Variants in TENM3 observed in about 807,000 individuals in gnomAD.
TENM3 encodes teneurin transmembrane protein 3.
In TENM3, 63 loss-of-function variants were observed where a neutral mutation model predicts 255.1. The observed-to-expected ratio is 0.25, with a 90% CI of 0.20 to 0.30. TENM3 has a LOEUF of 0.30. Among genes scored for constraint, TENM3 ranks in the 10% least tolerant of loss-of-function variants. The pLI is 1.00. For synonymous variants in TENM3, 1,306 were observed against 1,322.3 expected, an observed-to-expected ratio of 0.99 and a Z score of 0.27; for missense variants, 2,929 against 3,461.1, an observed-to-expected ratio of 0.85 and a Z score of 3.86.
At chr4:182,640,875 G>T (rs897247444) in intron 5 of TENM3, among the ~76,000 whole-genome samples, 3 of 152,188 alleles carry the variant, frequency 2.0e-5, no homozygotes, top group African/African-American at 7.2e-5. Context: ...TGGAACGCAG[G>T]CTTCATAAGA....
At chr4:182,351,894 G>A (rs1765204901) in intron 3 of TENM3, among the ~76,000 whole-genome samples, 1 of 152,140 alleles carries the variant, frequency 6.6e-6, no homozygotes, top group Non-Finnish European at 1.5e-5. Flanking sequence ...CATTAAGTGA[G>A]TTCAGGTATG....
chr4:181,821,555 C>T, the TENM3 span: 1 of 152,180 alleles, frequency 6.6e-6, no homozygotes, highest in Non-Finnish European at 1.5e-5. Flanking sequence ...TATGAACTTA[C>T]CTGTTTGTAG....
chr4:182,709,016 T>C (rs1579189338), intron 12 of TENM3, among the ~76,000 whole-genome samples: 1 of 152,092 alleles, frequency 6.6e-6, no homozygotes, highest in South Asian at 2.1e-4. Context: ...AGAGTCTCAC[T>C]TTGTTTCCCA....
the TENM3 span, among the ~76,000 whole-genome samples, chr4:181,564,217 G>A: frequency 6.6e-6 from 1 of 151,576 alleles, no homozygotes; most frequent in Non-Finnish European, 1.5e-5. Flanking sequence ...GTAGAGATGA[G>A]GTTCCACCAT....
At chr4:181,576,324 C>T in the TENM3 span, among the ~76,000 whole-genome samples, 1 of 152,188 alleles carries the variant, frequency 6.6e-6, no homozygotes, top group South Asian at 2.1e-4. Flanking sequence ...TATATATACA[C>T]ATTCTCTTCA....
chr4:181,830,511 G>A, the TENM3 span, among the ~76,000 whole-genome samples: 1 of 152,136 alleles, frequency 6.6e-6, no homozygotes, highest in East Asian at 1.9e-4. Context: ...GACCTCAGGC[G>A]ATCCACCCAC....
chr4:181,518,669 C>T, the TENM3 span, among the ~76,000 whole-genome samples: 15 of 152,134 alleles, frequency 9.9e-5, no homozygotes, highest in African/African-American at 2.7e-4. Flanking sequence ...CCTCGTGATC[C>T]GCCCGCCTCA....
At chr4:181,735,990 T>C in the TENM3 span, among the ~76,000 whole-genome samples, 7 of 152,200 alleles carry the variant, frequency 4.6e-5, no homozygotes, top group Admixed American at 3.3e-4. Flanking sequence ...CTTTTTTTCT[T>C]ATAACATATT....
At chr4:182,451,654 A>G (rs1392898997) in intron 3 of TENM3, among the ~76,000 whole-genome samples, 1 of 152,206 alleles carries the variant, frequency 6.6e-6, no homozygotes, top group Non-Finnish European at 1.5e-5. Context: ...CAGCGTTGCT[A>G]AGCACCCGTC....
chr4:181,983,742 T>C, the TENM3 span, among the ~76,000 whole-genome samples: 1 of 152,104 alleles, frequency 6.6e-6, no homozygotes, highest in Non-Finnish European at 1.5e-5. Flanking sequence ...CGATTTTTTT[T>C]CAGACAAAAT....
chr4:182,639,031 G>T (rs1241714890), intron 5 of TENM3, among the ~76,000 whole-genome samples: 4 of 152,180 alleles, frequency 2.6e-5, no homozygotes, highest in African/African-American at 9.6e-5. Context: ...ATTTTTTCAT[G>T]TATCTCCTTT....
At chr4:182,066,897 C>CGAG in the TENM3 span, among the ~76,000 whole-genome samples, 1 of 152,070 alleles carries the variant, frequency 6.6e-6, no homozygotes, top group Non-Finnish European at 1.5e-5. Flanking sequence ...GGCGACAGAG[C>CGAG]GAGACTCCAT....
chr4:181,557,911 C>T, the TENM3 span, among the ~76,000 whole-genome samples: 3 of 152,138 alleles, frequency 2.0e-5, no homozygotes, highest in African/African-American at 4.8e-5. Context: ...GAGGTAAAGA[C>T]GTTGTAGGAG....
In TENM3 at chr4:182,801,654, C is replaced by T. The variant is rs1766977555; in HGVS notation, c.*1303C>T. 1 of 152,224 alleles carries T rather than the reference C, an allele frequency of 6.6e-6. No homozygotes were observed. Among genetic ancestry groups the T allele is most frequent in the South Asian group, 2.1e-4 (1 of 4,828 alleles). 9.4% of individuals were successfully genotyped at this position (152,224 alleles called of 1,614,324 possible). On this transcript the variant is annotated 3_prime_UTR_variant, in exon 28 of 28. Coordinates refer to ENST00000511685, the MANE Select transcript of TENM3 (RefSeq NM_001080477.4). ...CACGTGTCTTAAGATCTAGGAAAGA[C>T]AGCAGAAACCGAGCAGTGGTGGGTG...
chr4:181,803,190 G>T, the TENM3 span, among the ~76,000 whole-genome samples: 2 of 152,098 alleles, frequency 1.3e-5, no homozygotes, highest in African/African-American at 4.8e-5. Flanking sequence ...AGACCCAATT[G>T]TCTACAGCCA....
At chr4:182,554,558 G>A (rs541438270) in intron 3 of TENM3, among the ~76,000 whole-genome samples, 1 of 152,216 alleles carries the variant, frequency 6.6e-6, no homozygotes, top group Admixed American at 6.5e-5. Context: ...GTGTGTGTGT[G>A]TGCACGTATG....
chr4:182,693,076 A>G (rs1417713070), intron 12 of TENM3, among the ~76,000 whole-genome samples: 1 of 152,046 alleles, frequency 6.6e-6, no homozygotes, highest in African/African-American at 2.4e-5. Context: ...ATAGTGAGAA[A>G]CCATCTTCAC....
the TENM3 span, among the ~76,000 whole-genome samples, chr4:181,511,588 G>A: frequency 2.6e-5 from 4 of 152,284 alleles, no homozygotes; most frequent in Non-Finnish European, 4.4e-5. Context: ...ACCTTGCTCC[G>A]GGTGATTTGA....
the TENM3 span, among the ~76,000 whole-genome samples, chr4:181,950,182 T>C: frequency 1.3e-5 from 2 of 152,170 alleles, no homozygotes; most frequent in African/African-American, 4.8e-5. Flanking sequence ...TCCTGGCTCA[T>C]GCTGGCTCAA....
Sources: allele counts gnomAD v4.1 joint callset (sites outside exome capture counted in the v4.1 genomes callset), GRCh38; gene constraint gnomAD v4.1.1; transcripts MANE v1.5; gene names NCBI Gene and HGNC (gene_info 2026-07-23, HGNC 2026-07-21).